BPTF: variants seen among roughly 807,000 people sequenced by gnomAD.
The protein encoded by BPTF is bromodomain PHD finger transcription factor, also known as nucleosome-remodeling factor subunit BPTF.
Under a neutral mutation model 292.5 loss-of-function variants are expected in BPTF, and 18 were observed. The observed-to-expected ratio is 0.06, with a 90% CI of 0.04 to 0.09. The LOEUF (loss-of-function observed/expected upper bound fraction) is 0.09. Ranked by LOEUF, BPTF falls within the 10% of genes least tolerant of loss-of-function variation. The pLI is 1.00. For missense variants in BPTF, 2,726 were observed against 3,498.7 expected (o/e 0.78, Z 5.57); for synonymous variants, 1,225 against 1,251.9 (o/e 0.98, Z 0.45).
intron 23 of BPTF, chr17:67,951,138 A>G (rs1555678352): frequency 6.6e-6 from 1 of 152,118 alleles, no homozygotes; most frequent in Non-Finnish European, 1.5e-5. Context: ...AAGCTTCATT[A>G]CATAGTCATT....
chr17:67,840,955 C>G (rs539600268), intron 1 of BPTF, among the ~76,000 whole-genome samples: 22 of 152,298 alleles, frequency 1.4e-4, no homozygotes, highest in African/African-American at 4.1e-4. Context: ...TTCTCCCTGT[C>G]AGTGCCTTGC....
chr17:67,928,082 C>T (rs951211454), intron 15 of BPTF, among the ~76,000 whole-genome samples: 1 of 152,080 alleles, frequency 6.6e-6, no homozygotes, highest in Non-Finnish European at 1.5e-5. Context: ...TGGGGTTTCA[C>T]CATATTGGCC....
intron 10 of BPTF, 39 bp downstream of exon 10, chr17:67,909,800 T>C: frequency 6.9e-7 from 1 of 1,455,128 alleles, no homozygotes; most frequent in South Asian, 1.6e-5. Flanking sequence ...CTGGGGGTGA[T>C]AAGAATGCAC....
chr17:67,919,710 C>A (rs561637397), intron 12 of BPTF, among the ~76,000 whole-genome samples: 6 of 152,282 alleles, frequency 3.9e-5, no homozygotes, highest in African/African-American at 1.4e-4. Flanking sequence ...TAAACTAAGA[C>A]TTCTGGAGGC....
intron 27 of BPTF, chr17:67,981,625 A>G (rs1555696676): frequency 2.1e-5 from 22 of 1,029,742 alleles, no homozygotes; most frequent in African/African-American, 3.5e-5. Context: ...ATGTTGAACA[A>G]TGTATTTAAA....
intron 27 of BPTF, among the ~76,000 whole-genome samples, chr17:67,980,897 C>T (rs1360304636): frequency 6.6e-6 from 1 of 152,180 alleles, no homozygotes; most frequent in Non-Finnish European, 1.5e-5. Context: ...ATGGTGCATG[C>T]CTGTGATACC....
intron 3 of BPTF, among the ~76,000 whole-genome samples, chr17:67,871,857 G>T (rs1303667845): frequency 4.0e-5 from 6 of 151,796 alleles, no homozygotes; most frequent in Non-Finnish European, 7.4e-5. Context: ...ACAGAGTCTC[G>T]CTCTGTCACC....
chr17:67,982,212 G>A (rs781974337), intron 27 of BPTF, 40 bp from the exon 28 acceptor site: 3 of 1,582,738 alleles, frequency 1.9e-6, no homozygotes, highest in Admixed American at 1.7e-5. Flanking sequence ...TTTCAAAAAT[G>A]AAGGGTGCTT....
chr17:67,895,284 G>T (rs2061362499), intron 7 of BPTF, among the ~76,000 whole-genome samples: 1 of 124,292 alleles, frequency 8.0e-6, no homozygotes, highest in Non-Finnish European at 1.6e-5. Flanking sequence ...AGTGAACCGA[G>T]ATTGCACCAC....
chr17:67,874,058 A>G (rs1267350464), intron 3 of BPTF, among the ~76,000 whole-genome samples: 3 of 151,816 alleles, frequency 2.0e-5, no homozygotes, highest in Non-Finnish European at 2.9e-5. Flanking sequence ...GGACTCGGAA[A>G]AAGTCCCCAG....
chr17:67,916,061 T>C (rs575072090), intron 11 of BPTF, among the ~76,000 whole-genome samples: 2 of 152,314 alleles, frequency 1.3e-5, no homozygotes, highest in Admixed American at 1.3e-4. Flanking sequence ...GGAATTACTA[T>C]GGGGTATGGT....
At chr17:67,900,158 G>T (rs956596086) in intron 7 of BPTF, among the ~76,000 whole-genome samples, 4 of 152,142 alleles carry the variant, frequency 2.6e-5, no homozygotes, top group African/African-American at 9.6e-5. Context: ...AGGCTAGAGG[G>T]CAGTGGCGCC....
chr17:67,833,806 G>T (rs1255603924), intron 1 of BPTF, among the ~76,000 whole-genome samples: 1 of 152,004 alleles, frequency 6.6e-6, no homozygotes, highest in East Asian at 1.9e-4. Flanking sequence ...GACCTCAAGT[G>T]ATCCACCCGC....
chr17:67,858,008 G>A (rs1180077212), intron 2 of BPTF, among the ~76,000 whole-genome samples: 2 of 150,488 alleles, frequency 1.3e-5, no homozygotes, highest in African/African-American at 4.9e-5. Flanking sequence ...GGCTGGTCTC[G>A]AACTCCTGAC....
intron 9 of BPTF, among the ~76,000 whole-genome samples, chr17:67,907,957 A>G (rs576929676): frequency 6.6e-6 from 1 of 152,284 alleles, no homozygotes; most frequent in South Asian, 2.1e-4. Flanking sequence ...TTATTCTGTT[A>G]TATAAACTTC....
At chr17:67,902,059 C>T (rs776982102) in intron 7 of BPTF, among the ~76,000 whole-genome samples, 16 of 152,214 alleles carry the variant, frequency 1.1e-4, no homozygotes, top group Non-Finnish European at 2.2e-4. Flanking sequence ...CTGGCACACC[C>T]ACCAGCATGC....
chr17:67,967,393 G>A (rs1185968711), intron 26 of BPTF, among the ~76,000 whole-genome samples: 4 of 151,198 alleles, frequency 2.6e-5, no homozygotes, highest in Non-Finnish European at 4.4e-5. Flanking sequence ...GCTCCCCCTC[G>A]GCCTCCCCAA....
intron 1 of BPTF, among the ~76,000 whole-genome samples, chr17:67,843,130 CTATATCTACATACATATAAATA>C (rs1471773734): frequency 1.4e-5 from 2 of 147,224 alleles, no homozygotes; most frequent in Non-Finnish European, 3.0e-5. Context: ...AGATATATAC[CTATATCTACATACATATAAATA>C]TATATCTACA....
intron 1 of BPTF, among the ~76,000 whole-genome samples, chr17:67,837,287 G>A (rs1354907929): frequency 6.6e-6 from 1 of 152,206 alleles, no homozygotes; most frequent in East Asian, 1.9e-4. Context: ...TGGTGTTTCT[G>A]TAGGGTAGAT....
Sources: allele counts gnomAD v4.1 joint callset (sites outside exome capture counted in the v4.1 genomes callset), GRCh38; gene constraint gnomAD v4.1.1; transcripts MANE v1.5; gene names NCBI Gene and HGNC (gene_info 2026-07-23, HGNC 2026-07-21).